ULK4: variants seen among roughly 807,000 people sequenced by gnomAD.
ULK4 encodes the protein inactive serine/threonine-protein kinase ULK4.
A neutral mutation model predicts 160.6 loss-of-function variants in ULK4; 133 were observed. The observed-to-expected ratio is 0.83, with a 90% confidence interval of 0.72 to 0.96. The LOEUF (loss-of-function observed/expected upper bound fraction) is 0.96. Among genes scored for constraint, ULK4 ranks in the 40% least tolerant of loss-of-function variants. The pLI is 0.00. For synonymous variants in ULK4, 534 were observed against 539.8 expected (o/e 0.99, Z 0.15); for missense variants, 1,580 against 1,499.5 (o/e 1.05, Z -0.89).
intron 17 of ULK4, among the ~76,000 whole-genome samples, chr3:41,870,733 G>C (rs1344061592): frequency 6.6e-6 from 1 of 152,102 alleles, no homozygotes; most frequent in Admixed American, 6.6e-5. Context: ...TCAAAAAACA[G>C]AACCAATCAA....
intron 11 of ULK4, 33 bp from the exon 12 acceptor site, chr3:41,907,974 T>C: frequency 2.0e-6 from 3 of 1,479,256 alleles, no homozygotes; most frequent in Non-Finnish European, 1.8e-6. Flanking sequence ...CATTATTCAA[T>C]TCCAGACAGT....
chr3:41,346,999 C>G (rs2080813392), intron 35 of ULK4, among the ~76,000 whole-genome samples: 1 of 152,064 alleles, frequency 6.6e-6, no homozygotes, highest in African/African-American at 2.4e-5. Context: ...CAGGATTTAT[C>G]TTCAAAGAAC....
chr3:41,656,045 T>G (rs2125748057), intron 30 of ULK4, among the ~76,000 whole-genome samples: 1 of 152,290 alleles, frequency 6.6e-6, no homozygotes, highest in South Asian at 2.1e-4. Context: ...ACCCATGCAG[T>G]TTTTTTCTGC....
intron 31 of ULK4, among the ~76,000 whole-genome samples, chr3:41,594,140 T>C (rs7625416): frequency 0.037 from 5,691 of 152,300 alleles, 320 homozygotes; most frequent in African/African-American, 0.12. Flanking sequence ...AAGTTATTTC[T>C]TAGATGTTAT....
intron 35 of ULK4, among the ~76,000 whole-genome samples, chr3:41,317,810 C>T (rs1228781454): frequency 6.6e-6 from 1 of 152,180 alleles, no homozygotes; most frequent in African/African-American, 2.4e-5. Context: ...GCTATCCAAA[C>T]CACAGACTGA....
intron 32 of ULK4, among the ~76,000 whole-genome samples, chr3:41,491,021 T>C (rs1182156634): frequency 6.6e-6 from 1 of 152,128 alleles, no homozygotes; most frequent in East Asian, 1.9e-4. Flanking sequence ...CCATAAAAGA[T>C]GGAATACAAG....
At chr3:41,854,546 T>C (rs1463114732) in intron 17 of ULK4, among the ~76,000 whole-genome samples, 1 of 152,118 alleles carries the variant, frequency 6.6e-6, no homozygotes, top group Non-Finnish European at 1.5e-5. Flanking sequence ...AACGGTAAAT[T>C]GAGCATCAGG....
chr3:41,262,796 C>A (rs1261218871), intron 35 of ULK4, among the ~76,000 whole-genome samples: 1 of 152,180 alleles, frequency 6.6e-6, no homozygotes, highest in Non-Finnish European at 1.5e-5. Context: ...ATAATTACAT[C>A]AGTTTCTGGC....
intron 17 of ULK4, among the ~76,000 whole-genome samples, chr3:41,849,248 G>A (rs2042146057): frequency 6.6e-6 from 1 of 152,176 alleles, no homozygotes; most frequent in Non-Finnish European, 1.5e-5. Flanking sequence ...TGAAGGACTT[G>A]TATTACTTTA....
intron 17 of ULK4, among the ~76,000 whole-genome samples, chr3:41,883,246 T>C (rs113726471): frequency 6.7e-6 from 1 of 149,676 alleles, no homozygotes; most frequent in African/African-American, 2.5e-5. Flanking sequence ...AAGACAGACA[T>C]AGAAATTTTT....
intron 27 of ULK4, among the ~76,000 whole-genome samples, chr3:41,704,767 C>T (rs1295711157): frequency 6.6e-6 from 1 of 152,064 alleles, no homozygotes; most frequent in Non-Finnish European, 1.5e-5. Context: ...GTTGAGAAAC[C>T]TTGCACTGAA....
At chr3:41,248,470 C>G (rs2078684828) in intron 36 of ULK4, among the ~76,000 whole-genome samples, 1 of 152,120 alleles carries the variant, frequency 6.6e-6, no homozygotes, top group East Asian at 1.9e-4. Context: ...ATGCTGAAGA[C>G]AAAAGGGGTA....
intron 35 of ULK4, among the ~76,000 whole-genome samples, chr3:41,337,086 A>G (rs1033205954): frequency 1.2e-4 from 18 of 152,184 alleles, no homozygotes; most frequent in African/African-American, 4.3e-4. Context: ...TGAGGCTCAG[A>G]GAGACTACAT....
chr3:41,396,145 C>T (rs561442661), intron 35 of ULK4, among the ~76,000 whole-genome samples: 3 of 152,152 alleles, frequency 2.0e-5, no homozygotes, highest in African/African-American at 4.8e-5. Context: ...AAAACACATA[C>T]GGTAGCAAAA....
chr3:41,633,379 A>G (rs1021075634), intron 30 of ULK4, among the ~76,000 whole-genome samples: 1 of 152,182 alleles, frequency 6.6e-6, no homozygotes, highest in African/African-American at 2.4e-5. Flanking sequence ...TTGGAACACA[A>G]TCCTGTGTAT....
intron 35 of ULK4, among the ~76,000 whole-genome samples, chr3:41,305,818 C>CGT (rs1277778543): frequency 2.7e-5 from 4 of 150,204 alleles, no homozygotes; most frequent in Admixed American, 6.6e-5. Context: ...AAGTGAGGAG[C>CGT]GTCTCTGCCC....
chr3:41,548,143 G>A (rs2086929752), intron 32 of ULK4, among the ~76,000 whole-genome samples: 1 of 152,142 alleles, frequency 6.6e-6, no homozygotes, highest in African/African-American at 2.4e-5. Context: ...CCTGGGGAAT[G>A]CCTTGCTCCA....
chr3:41,861,010 A>T (rs1470830531), intron 17 of ULK4, among the ~76,000 whole-genome samples: 1 of 152,228 alleles, frequency 6.6e-6, no homozygotes, highest in African/African-American at 2.4e-5. Flanking sequence ...ACCAACAAAC[A>T]AGGAAAAAGA....
chr3:41,379,010 G>A (rs928790602), intron 35 of ULK4, among the ~76,000 whole-genome samples: 2 of 151,750 alleles, frequency 1.3e-5, no homozygotes, highest in Non-Finnish European at 2.9e-5. Flanking sequence ...AACAATGAGA[G>A]CATATGTTCA....
Sources: allele counts gnomAD v4.1 joint callset (sites outside exome capture counted in the v4.1 genomes callset), GRCh38; gene constraint gnomAD v4.1.1; transcripts MANE v1.5; gene names NCBI Gene and HGNC (gene_info 2026-07-23, HGNC 2026-07-21).